The following TOM1L2 variants were observed in gnomAD, a reference collection of about 807,000 sequenced individuals.
TOM1L2 encodes the protein target of myb1 like 2 membrane trafficking protein.
In TOM1L2, 31 loss-of-function variants were observed where a neutral mutation model predicts 67.9. The observed-to-expected ratio is 0.46, with a 90% confidence interval of 0.34 to 0.62. TOM1L2 has a LOEUF of 0.62. TOM1L2 is among the 20% of genes least tolerant of loss of function. The probability of loss-of-function intolerance (pLI) is 0.01; values close to 1 mark genes in which losing one functional copy is unlikely to be tolerated. For missense variants in TOM1L2, 606 were observed against 663.5 expected, an observed-to-expected ratio of 0.91 and a Z score of 0.95; for synonymous variants, 256 against 254.0, an observed-to-expected ratio of 1.01 and a Z score of -0.07.
intron 7 of TOM1L2, among the ~76,000 whole-genome samples, chr17:17,877,911 C>A (rs1030055956): frequency 6.6e-6 from 1 of 152,016 alleles, no homozygotes; most frequent in African/African-American, 2.4e-5. Context: ...CCCCTCTCCC[C>A]CCAAAACACG....
chr17:17,907,053 G>T (rs2039131644), intron 2 of TOM1L2, among the ~76,000 whole-genome samples: 1 of 152,238 alleles, frequency 6.6e-6, no homozygotes, highest in Non-Finnish European at 1.5e-5. Flanking sequence ...TGGACACGGT[G>T]GTGCTCTCTG....
chr17:17,884,271 G>A (rs2144084580), intron 5 of TOM1L2, among the ~76,000 whole-genome samples: 1 of 152,252 alleles, frequency 6.6e-6, no homozygotes, highest in South Asian at 2.1e-4. Context: ...GTGACATCAA[G>A]CCCTGAGGTG....
intron 9 of TOM1L2, among the ~76,000 whole-genome samples, 183 bp downstream of exon 9, chr17:17,866,693 T>C (rs1568101580): frequency 6.6e-6 from 1 of 152,176 alleles, no homozygotes. Flanking sequence ...AGGGCTTGCT[T>C]GCCACCTTCC....
chr17:17,936,789 C>T (rs1391611072), intron 1 of TOM1L2, among the ~76,000 whole-genome samples: 1 of 152,134 alleles, frequency 6.6e-6, no homozygotes, highest in Non-Finnish European at 1.5e-5. Context: ...TTTAATAATA[C>T]AGGAAGAAAA....
At chr17:17,926,631 G>A (rs144108947) in intron 1 of TOM1L2, among the ~76,000 whole-genome samples, 286 of 152,174 alleles carry the variant, frequency 1.9e-3, no homozygotes, top group Admixed American at 3.8e-3. Context: ...TGGAGGCCGA[G>A]GCGGGCGGAT....
Position 17,893,544 on chromosome 17 carries a change from T to C in TOM1L2, c.366+117A>G, listed in dbSNP as rs1250796351. On this transcript the variant is annotated intron_variant, in intron 4 of 14. Coordinates refer to ENST00000379504, the MANE Select transcript of TOM1L2 (RefSeq NM_001082968.2). Reference sequence around the variant, plus strand: ...TTGAAGTATTTTGCACCAAATATTTTAAATGTAGAAGTCTCCATTTTTTTT... The same window carrying C: ...TTGAAGTATTTTGCACCAAATATTTCAAATGTAGAAGTCTCCATTTTTTTT... The C allele has an allele frequency of 2.9e-6, 3 of 1,019,662 alleles. No individual in the cohort carries two copies. In the Admixed American group the frequency reaches 7.9e-5, roughly 27 times the overall value. 63.2% of individuals were successfully genotyped at this position (1,019,662 alleles called of 1,614,324 possible). A position where few individuals can be genotyped will look rare whatever the true frequency, so the allele number is the denominator to read the frequency against.
intron 1 of TOM1L2, among the ~76,000 whole-genome samples, chr17:17,929,363 C>A (rs1201507695): frequency 6.6e-6 from 1 of 152,148 alleles, no homozygotes; most frequent in Non-Finnish European, 1.5e-5. Flanking sequence ...AGAGCCTGGG[C>A]GTGGTGGCTC....
Position 17,893,797 on chromosome 17 carries a change from CAT to C in TOM1L2, c.228_229del (p.Val78GlufsTer48). On this transcript the variant is annotated frameshift_variant, in exon 4 of 15. Transcript: ENST00000379504. LOFTEE classifies it high-confidence loss of function. ...GAAGCGGTGGCCACAGTTCTTCACACATGTCTCCAGCACCTGATGTGGGGAGG... is the reference window on the plus strand; with the variant it reads ...GAAGCGGTGGCCACAGTTCTTCACACGTCTCCAGCACCTGATGTGGGGAGG... 8.1e-6 allele frequency: 13 copies of C among 1,613,992 alleles called. No individual in the cohort carries two copies. Among genetic ancestry groups the C allele is most frequent in the Non-Finnish European group, 1.1e-5 (13 of 1,179,932 alleles).
chr17:17,906,031 C>T (rs1032570987), intron 2 of TOM1L2, among the ~76,000 whole-genome samples: 26 of 151,922 alleles, frequency 1.7e-4, no homozygotes, highest in African/African-American at 6.3e-4. Flanking sequence ...GACAGTTCTT[C>T]CCTTGTATAA....
intron 7 of TOM1L2, among the ~76,000 whole-genome samples, chr17:17,875,756 T>C (rs2037394573): frequency 6.6e-6 from 1 of 152,254 alleles, no homozygotes; most frequent in Non-Finnish European, 1.5e-5. Context: ...TCTTTATGGA[T>C]TTCCTCTGAG....
intron 7 of TOM1L2, among the ~76,000 whole-genome samples, chr17:17,873,693 AG>A (rs1303686316): frequency 6.6e-6 from 1 of 152,250 alleles, no homozygotes; most frequent in Non-Finnish European, 1.5e-5. Context: ...ACGAAGCTGC[AG>A]GCAGCAAGTA....
intron 1 of TOM1L2, among the ~76,000 whole-genome samples, chr17:17,969,607 T>C (rs746677069): frequency 5.3e-5 from 8 of 152,184 alleles, no homozygotes; most frequent in Non-Finnish European, 1.0e-4. Flanking sequence ...GGAGCCATCA[T>C]CATCTTTAGT....
intron 1 of TOM1L2, among the ~76,000 whole-genome samples, chr17:17,970,409 A>G (rs962042672): frequency 2.0e-5 from 3 of 152,024 alleles, no homozygotes; most frequent in Admixed American, 6.6e-5. Context: ...CTCATTTACT[A>G]CCTTGTCATT....
intron 1 of TOM1L2, among the ~76,000 whole-genome samples, chr17:17,945,814 T>G (rs2040924541): frequency 6.6e-6 from 1 of 152,150 alleles, no homozygotes; most frequent in South Asian, 2.1e-4. Context: ...GAAGAAAAGC[T>G]AGTCACATAA....
rs561899958 is a variant in TOM1L2, at chr17:17,962,240, G to A, written c.52+10022C>T. Among the ~76,000 whole-genome samples, 70 of 152,138 alleles carry A rather than the reference G, an allele frequency of 4.6e-4. No individual in the cohort carries two copies. The South Asian group carries it at 0.014, about 30-fold the overall frequency. On this transcript the variant is annotated intron_variant, in intron 1 of 14. Transcript: ENST00000379504. ...AGTAAAATGGTAGTTGCCAGGGGCT[G>A]GGGGGAGGAGGGAACAGGGAGATAT... is the stretch of plus-strand genomic sequence containing the variant.
intron 2 of TOM1L2, among the ~76,000 whole-genome samples, chr17:17,906,987 T>C (rs2039128354): frequency 6.6e-6 from 1 of 152,234 alleles, no homozygotes; most frequent in African/African-American, 2.4e-5. Flanking sequence ...CTAAGTCCAC[T>C]CATGCCGCTT....
At chr17:17,891,606 C>T (rs547051817) in intron 4 of TOM1L2, among the ~76,000 whole-genome samples, 1 of 152,318 alleles carries the variant, frequency 6.6e-6, no homozygotes, top group South Asian at 2.1e-4. Flanking sequence ...CTGGGCCCGC[C>T]ACCCTGCAGA....
At chr17:17,878,316 G>A (rs538394688) in intron 7 of TOM1L2, among the ~76,000 whole-genome samples, 1 of 152,364 alleles carries the variant, frequency 6.6e-6, no homozygotes, top group South Asian at 2.1e-4. Context: ...CCTCACTGGG[G>A]CTGGGCCAAG....
At chr17:17,886,193 C>T (rs1406989903) in intron 4 of TOM1L2, among the ~76,000 whole-genome samples, 1 of 152,220 alleles carries the variant, frequency 6.6e-6, no homozygotes, top group Non-Finnish European at 1.5e-5. Context: ...AACCAACAGA[C>T]CCATTTGAAG....
Sources: gnomAD v4.1 joint callset for allele counts (sites outside exome capture counted in the v4.1 genomes callset) on GRCh38, gnomAD v4.1.1 for gene constraint, MANE v1.5 for transcripts, NCBI Gene and HGNC (gene_info 2026-07-23, HGNC 2026-07-21) for gene names.